The following ATG4C variants were observed in gnomAD, a reference collection of about 807,000 sequenced individuals.
ATG4C encodes cysteine protease ATG4C.
Under a neutral mutation model 57.6 loss-of-function variants are expected in ATG4C, and 56 were observed. The observed-to-expected ratio is 0.97, with a 90% CI of 0.78 to 1.21. The LOEUF is 1.21. Ranked by LOEUF, ATG4C falls within the 50% of genes most tolerant of loss-of-function variation. The probability of loss-of-function intolerance (pLI) is 0.00; values close to 1 mark genes in which losing one functional copy is unlikely to be tolerated. For missense variants in ATG4C, 595 were observed against 529.8 expected (o/e 1.12, Z -1.21); for synonymous variants, 157 against 174.1 (o/e 0.90, Z 0.78).
chr1:62,833,647 C>T (rs527830273), intron 7 of ATG4C, among the ~76,000 whole-genome samples: 145 of 152,206 alleles, frequency 9.5e-4, no homozygotes, highest in African/African-American at 2.9e-3. Context: ...TAAGAACTAT[C>T]TTTAGCATTT....
chr1:62,834,187 C>A, intron 8 of ATG4C, 71 bp downstream of exon 8: 2 of 1,413,702 alleles, frequency 1.4e-6, no homozygotes, highest in African/African-American at 2.8e-5. Context: ...ATGAGATCAT[C>A]TGGAAACAGG....
Position 62,864,581 on chromosome 1 carries a change from T to C in ATG4C, c.*422T>C, listed in dbSNP as rs1666951143. On this transcript the variant is annotated 3_prime_UTR_variant, in exon 11 of 11. Transcript: ENST00000317868. ...AGATCAGAGAAGGAAACTTTAATGC[T>C]GTCTAGCCTCCTGCTATTAATGCAA... 6.2e-6 allele frequency: 1 copy of C among 162,504 alleles called. No homozygotes were observed. Among genetic ancestry groups the C allele is most frequent in the Non-Finnish European group, 1.3e-5 (1 of 75,522 alleles). 10.1% of individuals were successfully genotyped at this position (162,504 alleles called of 1,614,324 possible). A position where few individuals can be genotyped will look rare whatever the true frequency, so the allele number is the denominator to read the frequency against.
At chr1:62,792,291 G>A (rs1041264519) in intron 1 of ATG4C, among the ~76,000 whole-genome samples, 1 of 152,112 alleles carries the variant, frequency 6.6e-6, no homozygotes, top group Admixed American at 6.6e-5. Context: ...CACCACGCCC[G>A]GCCTTATCTA....
chr1:62,826,184 C>T (rs531560372), intron 6 of ATG4C, among the ~76,000 whole-genome samples: 20 of 151,370 alleles, frequency 1.3e-4, no homozygotes, highest in African/African-American at 4.6e-4. Flanking sequence ...GCTGGGATTA[C>T]AGGCGTGACC....
rs117651658 is a variant in ATG4C, at chr1:62,809,159, G to A, written c.160+3904G>A. On this transcript the variant is annotated intron_variant, in intron 3 of 10. Coordinates refer to ENST00000317868, the MANE Select transcript of ATG4C (RefSeq NM_032852.4). ...TCCCTATGTTGTCCAGGGTTGTCTC[G>A]AACTCCTTGGCTCAAGTGGTCCTCC... Among the ~76,000 whole-genome samples the A allele has an allele frequency of 3.4e-4, 52 of 151,832 alleles. No homozygotes were observed. The East Asian group carries it at 6.0e-3, about 18-fold the overall frequency.
At chr1:62,794,678 C>T (rs1484863645) in intron 1 of ATG4C, among the ~76,000 whole-genome samples, 3 of 152,154 alleles carry the variant, frequency 2.0e-5, no homozygotes, top group Non-Finnish European at 4.4e-5. Flanking sequence ...TACTATTGCT[C>T]TCCCCTTCAT....
At chr1:62,839,046 C>T (rs1026777105) in intron 9 of ATG4C, among the ~76,000 whole-genome samples, 1 of 151,980 alleles carries the variant, frequency 6.6e-6, no homozygotes, top group African/African-American at 2.4e-5. Context: ...ACATGAAAAG[C>T]CTTTTAAAAT....
intron 3 of ATG4C, among the ~76,000 whole-genome samples, chr1:62,811,339 A>G (rs188332716): frequency 6.6e-6 from 1 of 152,324 alleles, no homozygotes; most frequent in Admixed American, 6.5e-5. Flanking sequence ...TTTTAAACTT[A>G]TCTTCCTACC....
At chr1:62,812,317 A>G (rs909009441) in intron 3 of ATG4C, among the ~76,000 whole-genome samples, 2 of 152,226 alleles carry the variant, frequency 1.3e-5, no homozygotes, top group Non-Finnish European at 2.9e-5. Flanking sequence ...CTGGTTCAAC[A>G]TACACAAATC....
chr1:62,859,759 A>G (rs910059403), intron 10 of ATG4C, among the ~76,000 whole-genome samples: 6 of 151,784 alleles, frequency 4.0e-5, no homozygotes, highest in African/African-American at 1.5e-4. Context: ...GCAGTGGTGC[A>G]ATCTTGACTG....
At chr1:62,822,256 AG>A (rs1238800505) in intron 6 of ATG4C, among the ~76,000 whole-genome samples, 7 of 152,176 alleles carry the variant, frequency 4.6e-5, no homozygotes, top group Non-Finnish European at 1.0e-4. Context: ...GTGTAATAAT[AG>A]TTACCAAATA....
intron 10 of ATG4C, among the ~76,000 whole-genome samples, chr1:62,846,304 TCA>T (rs1023157640): frequency 1.1e-3 from 166 of 152,290 alleles, no homozygotes; most frequent in African/African-American, 3.8e-3. Flanking sequence ...TTGGTTTTTC[TCA>T]TTCTTTACTG....
chr1:62,820,051 A>C (rs1334153369), intron 5 of ATG4C, among the ~76,000 whole-genome samples: 2 of 152,094 alleles, frequency 1.3e-5, no homozygotes, highest in Non-Finnish European at 2.9e-5. Context: ...TAAATTTGAA[A>C]TCATTACAAA....
chr1:62,829,125 T>C lies in ATG4C; in HGVS notation c.882T>C (p.Pro294=), dbSNP rs1665761069. 1 of 1,613,254 alleles carries C rather than the reference T, an allele frequency of 6.2e-7. No individual in the cohort carries two copies. The highest frequency in any genetic ancestry group is 1.3e-5 in the African/African-American group (1 of 75,008). The change falls in exon 7 of 11, where the codon CCT becomes CCC. Residue 294 remains proline, a synonymous_variant. Transcript: ENST00000317868. The part of the protein sequence containing the change: ...ADDKAVIILV[P]VRLGGERTNT... The stretch of plus-strand genomic sequence containing the variant: ...ACAAAGCTGTTATTATTCTAGTTCC[T>C]GTTAGACTTGGTGGAGAAAGAACCA...
At chr1:62,793,936 T>C (rs1266856612) in intron 1 of ATG4C, among the ~76,000 whole-genome samples, 1 of 152,184 alleles carries the variant, frequency 6.6e-6, no homozygotes, top group Non-Finnish European at 1.5e-5. Flanking sequence ...GCTTGGAAAG[T>C]TGCGTTTTGA....
At chr1:62,805,647 C>T (rs1007362939) in intron 3 of ATG4C, among the ~76,000 whole-genome samples, 3 of 152,002 alleles carry the variant, frequency 2.0e-5, no homozygotes, top group Admixed American at 6.5e-5. Context: ...TGAATTTCTA[C>T]GTATATTAAT....
chr1:62,804,254 T>G (rs1441930907), intron 2 of ATG4C, among the ~76,000 whole-genome samples: 1 of 137,712 alleles, frequency 7.3e-6, no homozygotes, highest in African/African-American at 3.3e-5. Flanking sequence ...ACCTGGCTAA[T>G]TTTTTTTTTG....
chr1:62,827,967 T>C (rs1205622927), intron 6 of ATG4C, among the ~76,000 whole-genome samples: 2 of 152,222 alleles, frequency 1.3e-5, no homozygotes, highest in East Asian at 1.9e-4. Context: ...GCTCCAACCA[T>C]GTTGCCACAA....
intron 7 of ATG4C, among the ~76,000 whole-genome samples, chr1:62,833,813 A>G (rs1665913366): frequency 6.6e-6 from 1 of 152,128 alleles, no homozygotes; most frequent in Non-Finnish European, 1.5e-5. Flanking sequence ...GTTGAGCAAC[A>G]CGCTGATCAA....
Sources: gnomAD v4.1 joint callset for allele counts (sites outside exome capture counted in the v4.1 genomes callset) on GRCh38, gnomAD v4.1.1 for gene constraint, MANE v1.5 for transcripts, NCBI Gene and HGNC (gene_info 2026-07-23, HGNC 2026-07-21) for gene names.